Variants in STK32B observed in about 807,000 individuals in gnomAD.
STK32B encodes serine/threonine kinase 32B, also known as serine/threonine-protein kinase 32B.
A neutral mutation model predicts 52.6 loss-of-function variants in STK32B; 43 were observed. That is an observed-to-expected ratio of 0.82 (90% confidence interval 0.64 to 1.05). The LOEUF (loss-of-function observed/expected upper bound fraction) is 1.05, where lower values mean the gene tolerates loss of function less well. STK32B is among the 50% of genes least tolerant of loss of function. The probability of loss-of-function intolerance (pLI) is 0.00; values close to 1 mark genes in which losing one functional copy is unlikely to be tolerated. For missense variants in STK32B, 621 were observed against 534.6 expected, an observed-to-expected ratio of 1.16 and a Z score of -1.59; for synonymous variants, 238 against 204.3, an observed-to-expected ratio of 1.17 and a Z score of -1.41.
At chr4:5,391,509 G>T (rs75223643) in intron 4 of STK32B, among the ~76,000 whole-genome samples, 1 of 152,226 alleles carries the variant, frequency 6.6e-6, no homozygotes, top group Non-Finnish European at 1.5e-5. Flanking sequence ...TATCCCAGGA[G>T]AAGATTGCAA....
chr4:5,361,191 T>C (rs1734525451), intron 4 of STK32B, among the ~76,000 whole-genome samples: 1 of 152,214 alleles, frequency 6.6e-6, no homozygotes, highest in South Asian at 2.1e-4. Flanking sequence ...TGTATGGTTG[T>C]ATCACATTTT....
At chr4:5,383,490 C>T (rs946289630) in intron 4 of STK32B, among the ~76,000 whole-genome samples, 1 of 152,332 alleles carries the variant, frequency 6.6e-6, no homozygotes, top group East Asian at 1.9e-4. Context: ...GCCCAGGACT[C>T]GTAGCATCCC....
rs954694454 is a variant in STK32B, at chr4:5,058,775, ATCTC to A, written c.52+6868_52+6871del. 3.3e-5 allele frequency among the ~76,000 whole-genome samples: 5 copies of A among 151,758 alleles called. No individual in the cohort carries two copies. Among genetic ancestry groups the A allele is most frequent in the African/African-American group, 9.7e-5 (4 of 41,328 alleles). ...TTACTTATTTATTTTTTGATATAGA[ATCTC>A]TCTCTCTGTCTCCCAGGATGGAGTG... On this transcript the variant is annotated intron_variant, in intron 1 of 11. Transcript: ENST00000282908. The surrounding 1 kb of genome is among the most constrained non-coding windows in gnomAD (Gnocchi z 4.8).
chr4:5,439,506 C>T (rs1714490614), intron 6 of STK32B, among the ~76,000 whole-genome samples: 1 of 151,534 alleles, frequency 6.6e-6, no homozygotes, highest in African/African-American at 2.4e-5. Flanking sequence ...GATATTAGCC[C>T]TTTGTCAGAT....
intron 3 of STK32B, among the ~76,000 whole-genome samples, chr4:5,231,934 G>C (rs910612878): frequency 1.3e-5 from 2 of 152,196 alleles, no homozygotes; most frequent in Non-Finnish European, 1.5e-5. Context: ...AGAGGACAAA[G>C]ATACACAGAA....
chr4:5,244,629 T>G (rs943702353), intron 3 of STK32B, among the ~76,000 whole-genome samples: 20 of 152,316 alleles, frequency 1.3e-4, no homozygotes, highest in African/African-American at 4.1e-4. Flanking sequence ...CTTTTGAATG[T>G]GTTTGCTCTT....
rs374226059 is a variant in STK32B at position 5,347,516 on chromosome 4, A to G, written c.434+16123A>G. Among the ~76,000 whole-genome samples, 18 of 152,290 alleles carry G rather than the reference A, an allele frequency of 1.2e-4. 4 individuals are homozygous for G. Among genetic ancestry groups the G allele is most frequent in the Admixed American group, 2.6e-4 (4 of 15,302 alleles). ...ATCCTGGATTATTTTAGTAGAGCTT[A>G]TGTACTCAAAGAGCCTTAAAACTGA... On this transcript the variant is annotated intron_variant, in intron 4 of 11. Coordinates refer to ENST00000282908, the MANE Select transcript of STK32B (RefSeq NM_018401.3).
intron 11 of STK32B, among the ~76,000 whole-genome samples, chr4:5,490,354 ACCT>A (rs1719614492): frequency 6.6e-6 from 1 of 151,692 alleles, no homozygotes; most frequent in Admixed American, 6.6e-5. Context: ...TGATCCACCC[ACCT>A]CAGCCTCCCA....
At chr4:5,287,645 A>G (rs1407423310) in intron 3 of STK32B, among the ~76,000 whole-genome samples, 1 of 152,006 alleles carries the variant, frequency 6.6e-6, no homozygotes, top group African/African-American at 2.4e-5. Flanking sequence ...CCTTTTATGT[A>G]CATGTAAATA....
intron 3 of STK32B, among the ~76,000 whole-genome samples, chr4:5,187,580 A>C (rs1395492004): frequency 2.0e-5 from 2 of 99,244 alleles, no homozygotes; most frequent in Non-Finnish European, 3.7e-5. Flanking sequence ...CCAGCTCTCC[A>C]GGATGGGGTG....
At chr4:5,099,509 GT>G in intron 1 of STK32B, among the ~76,000 whole-genome samples, 1 of 151,786 alleles carries the variant, frequency 6.6e-6, no homozygotes, top group East Asian at 1.9e-4. Flanking sequence ...CCTGTGAAAA[GT>G]GGTGTGGCAG....
At chr4:5,255,969 G>C (rs1025447127) in intron 3 of STK32B, among the ~76,000 whole-genome samples, 4 of 152,136 alleles carry the variant, frequency 2.6e-5, no homozygotes, top group South Asian at 2.1e-4. Flanking sequence ...GACACACACA[G>C]AGCCCGTAGC....
intron 3 of STK32B, among the ~76,000 whole-genome samples, chr4:5,257,246 AT>A (rs1367725866): frequency 3.3e-5 from 4 of 121,422 alleles, no homozygotes; most frequent in African/African-American, 2.4e-4. Context: ...TGAGTGAATG[AT>A]TGAGTGAATG....
intron 3 of STK32B, among the ~76,000 whole-genome samples, chr4:5,279,289 A>C (rs1313834136): frequency 6.6e-6 from 1 of 152,234 alleles, no homozygotes; most frequent in Admixed American, 6.5e-5. Context: ...TCCAAAAGGT[A>C]GAAATTGGCT....
At chr4:5,253,963 T>A (rs1013203151) in intron 3 of STK32B, among the ~76,000 whole-genome samples, 2 of 152,094 alleles carry the variant, frequency 1.3e-5, no homozygotes, top group African/African-American at 2.4e-5. Flanking sequence ...ATTTTTGTAT[T>A]TTTAGTAGAG....
At chr4:5,418,389 A>G (rs547581389) in intron 6 of STK32B, among the ~76,000 whole-genome samples, 81 of 152,332 alleles carry the variant, frequency 5.3e-4, no homozygotes, top group Non-Finnish European at 1.0e-3. Flanking sequence ...GATAATCCCC[A>G]TTTACCATTG....
At chr4:5,495,647 G>A (rs947297411) in intron 11 of STK32B, among the ~76,000 whole-genome samples, 1 of 152,118 alleles carries the variant, frequency 6.6e-6, no homozygotes, top group African/African-American at 2.4e-5. Flanking sequence ...AGGAGGAGAG[G>A]CACTCTGCTT....
intron 3 of STK32B, among the ~76,000 whole-genome samples, chr4:5,300,370 A>G (rs1729478416): frequency 6.6e-6 from 1 of 152,184 alleles, no homozygotes; most frequent in Non-Finnish European, 1.5e-5. Context: ...ATGAACTGGA[A>G]TGAGACAAGA....
intron 3 of STK32B, among the ~76,000 whole-genome samples, chr4:5,291,143 G>A (rs2108883751): frequency 6.6e-6 from 1 of 152,120 alleles, no homozygotes; most frequent in South Asian, 2.1e-4. Context: ...GATTATTTTG[G>A]TGATTATGTA....
Sources: allele counts gnomAD v4.1 joint callset (sites outside exome capture counted in the v4.1 genomes callset), GRCh38; gene constraint gnomAD v4.1.1; non-coding constraint Gnocchi (gnomAD v3.1); transcripts MANE v1.5; gene names NCBI Gene and HGNC (gene_info 2026-07-23, HGNC 2026-07-21).